XNDC1N: variants seen among roughly 807,000 people sequenced by gnomAD.
XNDC1N encodes XRCC1 N-terminal domain containing 1, N-terminal like.
the XNDC1N span, among the ~76,000 whole-genome samples, chr11:71,867,836 T>C: frequency 6.6e-6 from 1 of 152,194 alleles, no homozygotes; most frequent in African/African-American, 2.4e-5. Context: ...GGCCTAAATA[T>C]CTTTGTTAGT....
the XNDC1N span, chr11:71,903,731 G>A: frequency 1.1e-5 from 4 of 374,152 alleles, no homozygotes. Context: ...TCAAGGATGT[G>A]GAAATTCCTA....
At chr11:71,890,095 A>T in the XNDC1N span, among the ~76,000 whole-genome samples, 2 of 152,196 alleles carry the variant, frequency 1.3e-5, no homozygotes, top group South Asian at 4.1e-4. Context: ...TATCAAAAAT[A>T]GTACTATTGT....
the XNDC1N span, among the ~76,000 whole-genome samples, chr11:71,886,480 C>T: frequency 2.6e-5 from 4 of 152,034 alleles, no homozygotes; most frequent in Non-Finnish European, 5.9e-5. Flanking sequence ...GACAGGGAAG[C>T]TCTCTTGGAA....
chr11:71,865,771 G>GTTT, the XNDC1N span: 82 of 365,008 alleles, frequency 2.2e-4, no homozygotes, highest in African/African-American at 7.8e-4. Flanking sequence ...GAGAAGAACA[G>GTTT]TTTTTTTTTT....
At chr11:71,894,708 G>A in the XNDC1N span, among the ~76,000 whole-genome samples, 1 of 152,180 alleles carries the variant, frequency 6.6e-6, no homozygotes, top group African/African-American at 2.4e-5. Context: ...TATACACGAA[G>A]TCCTCACTTC....
chr11:71,883,601 T>C, the XNDC1N span, among the ~76,000 whole-genome samples: 6 of 152,190 alleles, frequency 3.9e-5, no homozygotes, highest in African/African-American at 1.4e-4. Flanking sequence ...CAAAATGAAC[T>C]ACACATTTAA....
At chr11:71,874,202 C>T in the XNDC1N span, among the ~76,000 whole-genome samples, 1 of 152,148 alleles carries the variant, frequency 6.6e-6, no homozygotes, top group Non-Finnish European at 1.5e-5. Context: ...CACCTGTAAT[C>T]CCAGTTACTC....
At chr11:71,893,505 C>A in the XNDC1N span, 4 of 776,892 alleles carry the variant, frequency 5.1e-6, no homozygotes, top group Non-Finnish European at 7.1e-6. Context: ...AATTCCTCCT[C>A]CTGGGACTCT....
the XNDC1N span, chr11:71,914,194 C>T: frequency 3.1e-4 from 133 of 426,596 alleles, no homozygotes; most frequent in African/African-American, 2.4e-3. Context: ...ATAGCGATTC[C>T]TCTGATGGAT....
the XNDC1N span, among the ~76,000 whole-genome samples, chr11:71,872,909 A>G: frequency 2.0e-5 from 3 of 152,182 alleles, no homozygotes; most frequent in Non-Finnish European, 4.4e-5. Context: ...TATTCAGGAT[A>G]GAGGGTTTAA....
the XNDC1N span, among the ~76,000 whole-genome samples, chr11:71,922,746 C>G: frequency 4.6e-5 from 7 of 152,154 alleles, no homozygotes; most frequent in South Asian, 1.0e-3. Context: ...AATGGCACCC[C>G]TTGAGAAAGA....
the XNDC1N span, among the ~76,000 whole-genome samples, chr11:71,922,821 G>T: frequency 6.6e-6 from 1 of 152,190 alleles, no homozygotes; most frequent in Non-Finnish European, 1.5e-5. Context: ...AGAGGAAAGG[G>T]TGGGAAGTCC....
chr11:71,911,930 A>C, the XNDC1N span, among the ~76,000 whole-genome samples: 1 of 152,202 alleles, frequency 6.6e-6, no homozygotes, highest in Non-Finnish European at 1.5e-5. Context: ...TCTAAAGAAG[A>C]AAAGGACTTT....
chr11:71,876,317 T>C, the XNDC1N span, among the ~76,000 whole-genome samples: 3 of 152,190 alleles, frequency 2.0e-5, no homozygotes, highest in Non-Finnish European at 4.4e-5. Flanking sequence ...TCTGATTTTC[T>C]TCTTGGTGTT....
At chr11:71,867,144 T>C in the XNDC1N span, among the ~76,000 whole-genome samples, 2 of 149,752 alleles carry the variant, frequency 1.3e-5, no homozygotes, top group South Asian at 4.2e-4. Flanking sequence ...AAAGCAACTG[T>C]TAAATAACAC....
At chr11:71,904,671 A>T in the XNDC1N span, among the ~76,000 whole-genome samples, 1 of 152,086 alleles carries the variant, frequency 6.6e-6, no homozygotes, top group East Asian at 1.9e-4. Flanking sequence ...CCATTCAAGG[A>T]AACATCTCCC....
chr11:71,896,563 T>G, the XNDC1N span, among the ~76,000 whole-genome samples: 1 of 152,222 alleles, frequency 6.6e-6, no homozygotes, highest in East Asian at 1.9e-4. Flanking sequence ...ATCATGCTGG[T>G]TTTTTGTTTT....
At chr11:71,877,806 A>G in the XNDC1N span, among the ~76,000 whole-genome samples, 1 of 152,126 alleles carries the variant, frequency 6.6e-6, no homozygotes. Flanking sequence ...CTTTGTATAT[A>G]TTATTTGCTT....
At chr11:71,887,665 T>C in the XNDC1N span, among the ~76,000 whole-genome samples, 2 of 152,312 alleles carry the variant, frequency 1.3e-5, no homozygotes, top group East Asian at 1.9e-4. Flanking sequence ...ACCTAAGAAC[T>C]TTTGGAATTA....
Sources: allele counts gnomAD v4.1 joint callset (sites outside exome capture counted in the v4.1 genomes callset), GRCh38; gene constraint gnomAD v4.1.1; transcripts MANE v1.5; gene names NCBI Gene and HGNC (gene_info 2026-07-23, HGNC 2026-07-21).